The following EHMT1 variants were observed in gnomAD, a reference collection of about 807,000 sequenced individuals.
The protein encoded by EHMT1 is euchromatic histone lysine methyltransferase 1.
EHMT1 carries 15 observed loss-of-function variants against 147.2 expected under a neutral mutation model. That is an observed-to-expected ratio of 0.10 (90% CI 0.07 to 0.16). EHMT1 has a LOEUF of 0.16. Ranked by LOEUF, EHMT1 falls within the 10% of genes least tolerant of loss-of-function variation. The pLI is 1.00. For synonymous variants in EHMT1, 795 were observed against 709.6 expected (o/e 1.12, Z -1.91); for missense variants, 1,587 against 1,772.4 (o/e 0.90, Z 1.88).
At position 137,787,692 on chromosome 9, in the gene EHMT1, G is replaced by T; in HGVS notation, c.2383-3156G>T. On this transcript the variant is annotated intron_variant, in intron 15 of 26. Coordinates refer to ENST00000460843, the MANE Select transcript of EHMT1 (RefSeq NM_024757.5). This position sits in a 1 kb window ranked among gnomAD's most constrained non-coding sequence, Gnocchi z 4.2. ...ACAGGCTGCACCGGGAGAGCAGCCC[G>T]CCTGGGCCAGGGGCCGCCAGGTCCC... The T allele has an allele frequency of 3.0e-6, 2 of 673,036 alleles. No homozygotes were observed. The highest frequency in any genetic ancestry group is 5.2e-6 in the Non-Finnish European group (2 of 381,954). The allele number at this position is 673,036 out of a possible 1,614,324, so 41.7% of individuals were successfully genotyped here.
chr9:137,710,551 C>T (rs1350397295), intron 1 of EHMT1, among the ~76,000 whole-genome samples: 4 of 134,982 alleles, frequency 3.0e-5, no homozygotes, highest in Admixed American at 8.1e-5. Context: ...ATTTAAGTTC[C>T]TTATTGAATT....
intron 1 of EHMT1, among the ~76,000 whole-genome samples, chr9:137,640,225 G>C (rs1311201196): frequency 6.6e-6 from 1 of 152,104 alleles, no homozygotes; most frequent in Non-Finnish European, 1.5e-5. Flanking sequence ...GTGAGCCACC[G>C]TGCCTGGCCT....
At chr9:137,821,851 T>C (rs577680832) in intron 25 of EHMT1, among the ~76,000 whole-genome samples, 13 of 152,348 alleles carry the variant, frequency 8.5e-5, no homozygotes, top group African/African-American at 2.9e-4. Flanking sequence ...CCCAGTAATA[T>C]TTTATGGTTT....
intron 1 of EHMT1, among the ~76,000 whole-genome samples, chr9:137,689,427 G>A (rs751981592): frequency 3.9e-5 from 6 of 152,152 alleles, no homozygotes; most frequent in African/African-American, 4.8e-5. Flanking sequence ...TGACACGGCC[G>A]GGTGCGGTGG....
intron 5 of EHMT1, 89 bp downstream of exon 5, chr9:137,743,617 C>G: frequency 6.3e-7 from 1 of 1,582,482 alleles, no homozygotes; most frequent in Non-Finnish European, 8.6e-7. Context: ...TGGGTGACCT[C>G]AGTCCCCGGG....
intron 16 of EHMT1, among the ~76,000 whole-genome samples, chr9:137,795,684 A>G (rs1173877315): frequency 6.6e-6 from 1 of 152,190 alleles, no homozygotes. Context: ...CGCTGAATGA[A>G]ACGATCCTAT....
chr9:137,648,302 A>G (rs1845051934), intron 1 of EHMT1, among the ~76,000 whole-genome samples: 1 of 152,164 alleles, frequency 6.6e-6, no homozygotes, highest in East Asian at 1.9e-4. Flanking sequence ...AAAAGAGTCA[A>G]TGTTAAAACA....
In EHMT1 at chr9:137,732,936, C is replaced by G. The variant is rs1947242444; in HGVS notation, c.823+4407C>G. ...GATCACAGATGGTTCTGCTCTTTCC[C>G]TCCTGCTACCCCCTTAAGTTTACCA... On this transcript the variant is annotated intron_variant, in intron 4 of 26. Transcript: ENST00000460843. The surrounding 1 kb of genome is among the most constrained non-coding windows in gnomAD (Gnocchi z 4.6). 6.6e-6 allele frequency among the ~76,000 whole-genome samples: 1 copy of G among 152,162 alleles called. No individual in the cohort carries two copies.
At chr9:137,699,926 A>G (rs1199276441) in intron 1 of EHMT1, among the ~76,000 whole-genome samples, 2 of 152,218 alleles carry the variant, frequency 1.3e-5, no homozygotes, top group Non-Finnish European at 2.9e-5. Flanking sequence ...TGATTATTGC[A>G]TGCTTATTTT....
At chr9:137,709,670 T>TATA (rs200443154) in intron 1 of EHMT1, among the ~76,000 whole-genome samples, 1 of 151,630 alleles carries the variant, frequency 6.6e-6, no homozygotes, top group African/African-American at 2.4e-5. Flanking sequence ...TGCAGCCTCT[T>TATA]CTTACCTGTT....
intron 9 of EHMT1, among the ~76,000 whole-genome samples, chr9:137,758,712 G>A (rs1949569346): frequency 6.6e-6 from 1 of 152,154 alleles, no homozygotes; most frequent in Non-Finnish European, 1.5e-5. Context: ...ACTGCAGGGG[G>A]CTTAATGGGC....
rs1469917649 is a variant in EHMT1, at chr9:137,728,482, C to T, written c.776C>T (p.Ser259Leu). The change falls in exon 4 of 27, where the codon TCG becomes TTG. Residue 259 changes from serine to leucine, a missense_variant. Ser to Leu is a moderately radical substitution (Grantham distance 145, BLOSUM62 -2). Around this residue, in one of 7 missense-constraint regions of EHMT1, gnomAD observed 810 missense variants for 673.0 expected, o/e 1.20. Coordinates refer to ENST00000460843, the MANE Select transcript of EHMT1 (RefSeq NM_024757.5). ...LLPPFPSLHQSLPQNQCYMAT... is the reference protein window; with the variant it reads ...LLPPFPSLHQLLPQNQCYMAT... ...CCCCCCTTCCCATCCCTTCATCAGTCGCTACCTCAGAACCAGTGCTACATG... is the reference window on the plus strand; with the variant it reads ...CCCCCCTTCCCATCCCTTCATCAGTTGCTACCTCAGAACCAGTGCTACATG... 3.1e-6 allele frequency: 5 copies of T among 1,614,140 alleles called. No individual in the cohort carries two copies. The highest frequency in any genetic ancestry group is 1.7e-5 in the Admixed American group (1 of 60,010).
At chr9:137,652,376 G>A (rs1589125025) in intron 1 of EHMT1, among the ~76,000 whole-genome samples, 2 of 152,072 alleles carry the variant, frequency 1.3e-5, no homozygotes, top group Admixed American at 6.6e-5. Context: ...CACAATGCCC[G>A]GCCAGTGTGT....
intron 4 of EHMT1, 54 bp downstream of exon 4, chr9:137,728,583 C>T (rs1946829184): frequency 1.9e-6 from 3 of 1,610,362 alleles, no homozygotes; most frequent in Middle Eastern, 1.6e-4. Context: ...TTCGAGCCTG[C>T]CCCTTGCCAG....
rs138284522 is a variant in EHMT1 at position 137,648,392 on chromosome 9, C to T, written c.21+29343C>T. 2.1e-3 allele frequency among the ~76,000 whole-genome samples: 316 copies of T among 151,238 alleles called. 3 individuals are homozygous for T. The highest frequency in any genetic ancestry group is 0.014 in the East Asian group (73 of 5,128). On this transcript the variant is annotated intron_variant, in intron 1 of 26. Coordinates refer to ENST00000460843, the MANE Select transcript of EHMT1 (RefSeq NM_024757.5). ...TAGCCAGCTGGGTTGTGGTGGTTCA[C>T]GCCTGTAATCCCAGTACTTTGGGAG...
chr9:137,827,159 T>C (rs1460204521), intron 25 of EHMT1, among the ~76,000 whole-genome samples: 4 of 152,174 alleles, frequency 2.6e-5, no homozygotes, highest in Non-Finnish European at 5.9e-5. Flanking sequence ...TCCACACTCC[T>C]TGATGCCCCA....
chr9:137,814,133 C>A, intron 21 of EHMT1: 1 of 418,866 alleles, frequency 2.4e-6, no homozygotes, highest in Admixed American at 3.6e-5. Context: ...GAGCATCTGG[C>A]CACAAATGCA....
intron 1 of EHMT1, among the ~76,000 whole-genome samples, chr9:137,696,559 C>A (rs981336087): frequency 2.0e-5 from 3 of 152,098 alleles, no homozygotes; most frequent in Admixed American, 1.3e-4. Flanking sequence ...ATGTTGATAG[C>A]GTGTAGGATA....
intron 16 of EHMT1, among the ~76,000 whole-genome samples, chr9:137,797,737 G>C (rs761151861): frequency 2.0e-5 from 3 of 152,030 alleles, no homozygotes; most frequent in African/African-American, 7.3e-5. Flanking sequence ...TGATGCCTGC[G>C]AAACTCTATG....
Sources: allele counts gnomAD v4.1 joint callset (sites outside exome capture counted in the v4.1 genomes callset), GRCh38; gene constraint gnomAD v4.1.1; regional missense constraint gnomAD v4.1.1; non-coding constraint Gnocchi (gnomAD v3.1); transcripts MANE v1.5; gene names NCBI Gene and HGNC (gene_info 2026-07-23, HGNC 2026-07-21).